BCAR1: variants seen among roughly 807,000 people sequenced by gnomAD.
BCAR1 encodes the protein breast cancer anti-estrogen resistance protein 1.
A neutral mutation model predicts 67.6 loss-of-function variants in BCAR1; 30 were observed. The ratio of observed to expected loss-of-function variants is 0.44; its 90% CI spans 0.33 to 0.60. BCAR1 has a LOEUF of 0.60. BCAR1 is among the 20% of genes least tolerant of loss of function. The pLI is 0.02. For missense variants in BCAR1, 1,313 were observed against 1,222.3 expected, an observed-to-expected ratio of 1.07 and a Z score of -1.11; for synonymous variants, 626 against 556.7, an observed-to-expected ratio of 1.12 and a Z score of -1.75.
At chr16:75,252,090 C>T (rs1316404366), upstream of BCAR1, 5 of 1,089,636 alleles carry the variant, frequency 4.6e-6, no homozygotes, top group African/African-American at 4.7e-5. Context: ...GGGGAGGGGG[C>T]GTGCCCCAGC....
At chr16:75,234,114 AGCACAC>A (rs2077006197) in intron 5 of BCAR1, among the ~76,000 whole-genome samples, 179 bp from the exon 6 acceptor site, 2 of 140,434 alleles carry the variant, frequency 1.4e-5, no homozygotes. Context: ...CACACACACA[AGCACAC>A]GTGAACACAC....
chr16:75,254,852 C>G (rs768794505), upstream of BCAR1, among the ~76,000 whole-genome samples: 6 of 152,176 alleles, frequency 3.9e-5, no homozygotes, highest in African/African-American at 1.4e-4. Flanking sequence ...CCCAGCACAC[C>G]AGGACACTAA....
chr16:75,241,701 G>T (rs528244810), intron 2 of BCAR1, among the ~76,000 whole-genome samples: 1 of 152,320 alleles, frequency 6.6e-6, no homozygotes, highest in Admixed American at 6.5e-5. Context: ...CATGGGCGGG[G>T]GTGGGGGTAA....
At chr16:75,232,438 G>A (rs539084389) in intron 6 of BCAR1, among the ~76,000 whole-genome samples, 2 of 152,218 alleles carry the variant, frequency 1.3e-5, no homozygotes, top group African/African-American at 2.4e-5. Flanking sequence ...GGGATTACAA[G>A]TGTGAGCCAC....
At chr16:75,236,462 TG>T (rs2077138822) in intron 4 of BCAR1, 2 of 331,008 alleles carry the variant, frequency 6.0e-6, no homozygotes, top group African/African-American at 2.1e-5. Flanking sequence ...CCACCACGTG[TG>T]AACTTTCTAC....
intron 1 of BCAR1, among the ~76,000 whole-genome samples, chr16:75,259,336 A>G (rs1333587814): frequency 2.6e-5 from 4 of 152,248 alleles, no homozygotes; most frequent in African/African-American, 7.2e-5. Context: ...CCGCTACTTA[A>G]TAACACACAG....
chr16:75,252,695 C>A (rs1022553903), upstream of BCAR1, among the ~76,000 whole-genome samples: 1 of 152,330 alleles, frequency 6.6e-6, no homozygotes, highest in Non-Finnish European at 1.5e-5. Context: ...GGGGTAGACC[C>A]GGCTTCACGC....
At chr16:75,241,537 C>T (rs564207081) in intron 2 of BCAR1, among the ~76,000 whole-genome samples, 2 of 152,322 alleles carry the variant, frequency 1.3e-5, no homozygotes, top group South Asian at 4.1e-4. Context: ...GCCAGCCAGG[C>T]TCGCCTCTGA....
upstream of BCAR1, among the ~76,000 whole-genome samples, chr16:75,252,623 A>G (rs2077703937): frequency 6.6e-6 from 1 of 151,738 alleles, no homozygotes. Context: ...TCAGTCAACA[A>G]TCCTGGGCCA....
At chr16:75,245,580 A>T (rs1347979592) in intron 1 of BCAR1, among the ~76,000 whole-genome samples, 1 of 152,228 alleles carries the variant, frequency 6.6e-6, no homozygotes, top group African/African-American at 2.4e-5. Context: ...CTCACAGCCC[A>T]GCCCTGCCAG....
In BCAR1 at chr16:75,229,801, G is replaced by A. The variant is rs2076828061; in HGVS notation, c.2323C>T (p.Pro775Ser). The change falls in exon 7 of 7, where the codon CCC becomes TCC. Residue 775 changes from proline to serine, a missense_variant. Pro to Ser is a moderately conservative substitution (Grantham distance 74). This residue lies in a region of BCAR1 where 1,272 missense variants were observed against 1,137.5 expected (regional missense o/e 1.12). Transcript: ENST00000162330. ...TTGCTGTGCGCCACAAAGATCTTGG[G>A]CGGCTGGTTGGTGGCCACGGCGGTA... ...FFTAVATNQP[P>S]KIFVAHSKFV... is the part of the protein sequence containing the mutation. The A allele has an allele frequency of 3.1e-6, 5 of 1,613,448 alleles. No individual in the cohort carries two copies. The highest frequency in any genetic ancestry group is 3.4e-6 in the Non-Finnish European group (4 of 1,180,010).
At chr16:75,249,896 A>G (rs1282833054) in intron 1 of BCAR1, 1 of 152,300 alleles carries the variant, frequency 6.6e-6, no homozygotes, top group Non-Finnish European at 1.5e-5. Context: ...GGGCCATGCC[A>G]GAAGACGAGG....
chr16:75,243,119 C>A (rs906775823), intron 1 of BCAR1, 29 bp from the exon 2 acceptor site: 9 of 1,555,074 alleles, frequency 5.8e-6, no homozygotes, highest in African/African-American at 1.4e-5. Context: ...GGTGTGAGAA[C>A]AGAAGGATGT....
At chr16:75,251,928 C>T (rs2077691438), upstream of BCAR1, 1 of 528,880 alleles carries the variant, frequency 1.9e-6, no homozygotes, top group South Asian at 2.2e-5. Flanking sequence ...CCTACGCAAA[C>T]TCCTCCACTT....
chr16:75,238,039 TAGTGGGGGA>T, intron 2 of BCAR1: 1 of 1,288,688 alleles, frequency 7.8e-7, no homozygotes, highest in Non-Finnish European at 1.0e-6. Flanking sequence ...GGATGAGGCC[TAGTGGGGGA>T]AGTGGGTCCA....
chr16:75,243,617 C>G, intron 1 of BCAR1: 1 of 427,598 alleles, frequency 2.3e-6, no homozygotes, highest in South Asian at 1.7e-5. Context: ...TTAGAAACTT[C>G]AAACACCTTC....
At chr16:75,243,623 C>G in intron 1 of BCAR1, 1 of 423,510 alleles carries the variant, frequency 2.4e-6, no homozygotes, top group Non-Finnish European at 4.7e-6. Context: ...ACTTCAAACA[C>G]CTTCCCCAAG....
In BCAR1 at chr16:75,266,347, C is replaced by G. The variant is rs368758912; in HGVS notation, c.66+1568G>C. The G allele has an allele frequency of 4.6e-4, 76 of 166,686 alleles. 1 individual carries two copies. In the East Asian group the frequency reaches 0.011, roughly 23 times the overall value. 10.3% of individuals were successfully genotyped at this position (166,686 alleles called of 1,614,324 possible). On this transcript the variant is annotated intron_variant, in intron 1 of 6. Coordinates refer to the BCAR1 transcript ENST00000393422. ...CCCTCCCCCAGCTGAGAGCGAGCCCCGAGACCCCCAGGGAAGAGGAGCTCC... is the reference window on the plus strand; with the variant it reads ...CCCTCCCCCAGCTGAGAGCGAGCCCGGAGACCCCCAGGGAAGAGGAGCTCC...
intron 1 of BCAR1, chr16:75,246,487 C>G (rs970628915): frequency 5.9e-5 from 9 of 152,222 alleles, no homozygotes; most frequent in African/African-American, 1.9e-4. Flanking sequence ...GACGGCCTCC[C>G]CAAAGAGATG....
Sources: gnomAD v4.1 joint callset for allele counts (sites outside exome capture counted in the v4.1 genomes callset) on GRCh38, gnomAD v4.1.1 for gene constraint, gnomAD v4.1.1 regional missense constraint, MANE v1.5 for transcripts, NCBI Gene and HGNC (gene_info 2026-07-23, HGNC 2026-07-21) for gene names.